Variants in TRIP12 observed in about 807,000 individuals in gnomAD.
The protein encoded by TRIP12 is E3 ubiquitin-protein ligase TRIP12.
A neutral mutation model predicts 244.2 loss-of-function variants in TRIP12; 25 were observed. The ratio of observed to expected loss-of-function variants is 0.10; its 90% CI spans 0.07 to 0.14. The LOEUF (loss-of-function observed/expected upper bound fraction) is 0.14, where lower values mean the gene tolerates loss of function less well. Ranked by LOEUF, TRIP12 falls within the 10% of genes least tolerant of loss-of-function variation. The pLI is 1.00. For synonymous variants in TRIP12, 905 were observed against 873.1 expected (o/e 1.04, Z -0.64); for missense variants, 1,677 against 2,486.4 (o/e 0.67, Z 6.92).
intron 1 of TRIP12, among the ~76,000 whole-genome samples, chr2:229,915,835 C>A (rs767805462): frequency 8.5e-5 from 13 of 152,056 alleles, no homozygotes; most frequent in Non-Finnish European, 1.9e-4. Context: ...CTGAAGACTA[C>A]AGGCATGTGC....
At chr2:229,793,332 A>G in intron 26 of TRIP12, 187 bp from the exon 27 acceptor site, 1 of 506,958 alleles carries the variant, frequency 2.0e-6, no homozygotes, top group East Asian at 3.2e-5. Context: ...TTTATACGTA[A>G]GAAATAAAAG....
intron 1 of TRIP12, among the ~76,000 whole-genome samples, chr2:229,899,139 T>C (rs2069827961): frequency 6.6e-6 from 1 of 152,188 alleles, no homozygotes; most frequent in South Asian, 2.1e-4. Context: ...AAATTTCTTC[T>C]TTTTTTAATA....
chr2:229,777,372 A>G lies in TRIP12; in HGVS notation c.5472T>C (p.Val1824=). Residue 1824 remains valine (V), a synonymous_variant, in exon 37 of 42, where the codon GTT becomes GTC. Transcript: ENST00000675903. ...GTCTGACAATGTCTTCTAGGTGATA[A>G]ACTGATCTGGCTACAACTGGGTCGA... The part of the protein sequence containing the change: ...FDIDPVVARS[V]YHLEDIVRQK... 1 of 1,613,994 alleles carries G rather than the reference A, an allele frequency of 6.2e-7. No homozygotes were observed. Among genetic ancestry groups the G allele is most frequent in the Non-Finnish European group, 8.5e-7 (1 of 1,179,886 alleles).
chr2:229,830,219 T>C (rs1341969818), intron 7 of TRIP12, among the ~76,000 whole-genome samples: 1 of 152,176 alleles, frequency 6.6e-6, no homozygotes, highest in East Asian at 1.9e-4. Context: ...TGAAACATGA[T>C]CAAGAAGACA....
At chr2:229,859,673 TAAG>T in intron 3 of TRIP12, 99 bp from the exon 4 acceptor site, 1 of 1,308,468 alleles carries the variant, frequency 7.6e-7, no homozygotes, top group Non-Finnish European at 1.0e-6. Context: ...ATGTTCCTAC[TAAG>T]TCCAGTATTA....
At chr2:229,820,751 G>T (rs987371858) in intron 8 of TRIP12, among the ~76,000 whole-genome samples, 1 of 152,112 alleles carries the variant, frequency 6.6e-6, no homozygotes, top group African/African-American at 2.4e-5. Context: ...AACACACGTG[G>T]CTAATTTTTC....
intron 1 of TRIP12, among the ~76,000 whole-genome samples, chr2:229,889,584 A>T (rs2066848320): frequency 6.6e-6 from 1 of 152,334 alleles, no homozygotes; most frequent in East Asian, 1.9e-4. Flanking sequence ...TGGGGATAGG[A>T]GGTCAGCTTA....
At chr2:229,779,258 CAT>C (rs147771497) in intron 34 of TRIP12, among the ~76,000 whole-genome samples, 2,250 of 152,294 alleles carry the variant, frequency 0.015, 60 homozygotes, top group African/African-American at 0.051. Context: ...ACTGTGGCTA[CAT>C]ATCTTTCCTT....
intron 33 of TRIP12, among the ~76,000 whole-genome samples, chr2:229,787,074 G>T (rs2040280092): frequency 6.6e-6 from 1 of 152,172 alleles, no homozygotes; most frequent in Non-Finnish European, 1.5e-5. Context: ...AACATATAAA[G>T]GATTTTGTTT....
Position 229,792,159 on chromosome 2 carries a change from C to T in TRIP12, c.4209G>A (p.Glu1403=). 6.2e-7 allele frequency: 1 copy of T among 1,614,000 alleles called. No individual in the cohort carries two copies. The highest frequency in any genetic ancestry group is 8.5e-7 in the Non-Finnish European group (1 of 1,179,946). Residue 1403 remains glutamate (E), a synonymous_variant, in exon 28 of 42, where the codon GAG becomes GAA. Coordinates refer to ENST00000675903, the MANE Select transcript of TRIP12 (RefSeq NM_001348323.3). ...DDDGSDEEID[E]SLAAQFLNSG... is the part of the protein sequence containing the mutation. ...TGGGAATATAGTACCTTACCAGAGA[C>T]TCATCTATTTCCTCATCTGATCCAT...
chr2:229,817,583 T>C (rs2048817292), intron 9 of TRIP12, among the ~76,000 whole-genome samples: 1 of 152,192 alleles, frequency 6.6e-6, no homozygotes, highest in African/African-American at 2.4e-5. Flanking sequence ...TAAAGTCTTT[T>C]ATTTCTTTTT....
chr2:229,795,203 G>C lies in TRIP12; in HGVS notation c.3944C>G (p.Pro1315Arg). The change falls in exon 26 of 42, where the codon CCT becomes CGT. Residue 1315 changes from proline (P) to arginine (R), a missense_variant. Physicochemically the swap from Pro to Arg is moderately radical, Grantham distance 103. Transcript: ENST00000675903. ...EQFPVKVHDFPSGNGTGGSFS... is the reference protein window; with the variant it reads ...EQFPVKVHDFRSGNGTGGSFS... ...CCTGCCTCCTGTCCCATTTCCACTA[G>C]GGAAATCATGTACTTTGACTGGAAA... 5 of 1,613,946 alleles carry C rather than the reference G, an allele frequency of 3.1e-6. No homozygotes were observed. Among genetic ancestry groups the C allele is most frequent in the Non-Finnish European group, 4.2e-6 (5 of 1,179,902 alleles).
At chr2:229,769,950 T>C (rs75293435) in intron 39 of TRIP12, among the ~76,000 whole-genome samples, 1,887 of 152,280 alleles carry the variant, frequency 0.012, 44 homozygotes, top group African/African-American at 0.043. Flanking sequence ...AAATTTAATA[T>C]CTATTATATA....
At chr2:229,904,896 T>A (rs2072239624) in intron 1 of TRIP12, among the ~76,000 whole-genome samples, 1 of 152,188 alleles carries the variant, frequency 6.6e-6, no homozygotes, top group Non-Finnish European at 1.5e-5. Context: ...AATGTTAAAA[T>A]TTTCACAAAC....
intron 34 of TRIP12, among the ~76,000 whole-genome samples, chr2:229,784,127 G>A (rs1284870606): frequency 4.5e-5 from 6 of 133,556 alleles, no homozygotes; most frequent in Admixed American, 1.5e-4. Flanking sequence ...AAAAAAGAGA[G>A]AGAAAAGAAA....
rs576941394 is a variant in TRIP12, at chr2:229,844,687, T to G, written c.1028-3760A>C. Among the ~76,000 whole-genome samples, 4 of 152,326 alleles carry G rather than the reference T, an allele frequency of 2.6e-5. No homozygotes were observed. The East Asian group carries it at 7.7e-4, about 29-fold the overall frequency. On this transcript the variant is annotated intron_variant, in intron 4 of 41. Transcript: ENST00000675903. The stretch of plus-strand genomic sequence containing the variant: ...AATGTCAATGTATTTGATAAGACTC[T>G]ATAAAAATCGGGCAGGGACGAAGAG...
intron 23 of TRIP12, among the ~76,000 whole-genome samples, chr2:229,798,655 T>G (rs1341367971): frequency 6.6e-6 from 1 of 152,198 alleles, no homozygotes; most frequent in African/African-American, 2.4e-5. Context: ...CAGCTAGGTA[T>G]GCTGGAAGGA....
chr2:229,869,848 G>C (rs1186064652), intron 2 of TRIP12, among the ~76,000 whole-genome samples: 1 of 152,198 alleles, frequency 6.6e-6, no homozygotes, highest in African/African-American at 2.4e-5. Flanking sequence ...ATTTAAACTT[G>C]CCAGAACGTT....
At chr2:229,835,569 C>T (rs1194915999) in intron 6 of TRIP12, among the ~76,000 whole-genome samples, 1 of 152,168 alleles carries the variant, frequency 6.6e-6, no homozygotes, top group Non-Finnish European at 1.5e-5. Flanking sequence ...TTTTTCCTCA[C>T]TTAAAAAATG....
Sources: gnomAD v4.1 joint callset for allele counts (sites outside exome capture counted in the v4.1 genomes callset) on GRCh38, gnomAD v4.1.1 for gene constraint, MANE v1.5 for transcripts, NCBI Gene and HGNC (gene_info 2026-07-23, HGNC 2026-07-21) for gene names.